The following RYR3 variants were observed in gnomAD, a reference collection of about 807,000 sequenced individuals.
The protein encoded by RYR3 is brain ryanodine receptor-calcium release channel.
In RYR3, 207 loss-of-function variants were observed where a neutral mutation model predicts 584.3. The observed-to-expected ratio is 0.35, with a 90% CI of 0.32 to 0.40. RYR3 has a LOEUF of 0.40. RYR3 is among the 10% of genes least tolerant of loss of function. The probability of loss-of-function intolerance (pLI) is 1.00; values close to 1 mark genes in which losing one functional copy is unlikely to be tolerated. For missense variants in RYR3, 5,616 were observed against 6,089.2 expected (o/e 0.92, Z 2.59); for synonymous variants, 2,416 against 2,248.5 (o/e 1.07, Z -2.11).
intron 3 of RYR3, among the ~76,000 whole-genome samples, chr15:33,514,612 CTT>C (rs199716620): frequency 4.2e-4 from 60 of 144,484 alleles, no homozygotes; most frequent in African/African-American, 1.2e-3. Flanking sequence ...GAATGCATTA[CTT>C]TTTTTTTTTT....
At chr15:33,830,899 A>G in intron 85 of RYR3, 64 bp from the exon 86 acceptor site, 1 of 1,563,028 alleles carries the variant, frequency 6.4e-7, no homozygotes, top group Non-Finnish European at 8.7e-7. Flanking sequence ...CCCTTCCCAA[A>G]CACCGAGTTT....
At chr15:33,627,664 G>A (rs1298883079) in intron 20 of RYR3, among the ~76,000 whole-genome samples, 1 of 152,228 alleles carries the variant, frequency 6.6e-6, no homozygotes, top group Non-Finnish European at 1.5e-5. Flanking sequence ...CTGTGTATGT[G>A]GTTAATACAT....
At chr15:33,425,879 T>C (rs1286610939) in intron 1 of RYR3, among the ~76,000 whole-genome samples, 1 of 152,100 alleles carries the variant, frequency 6.6e-6, no homozygotes, top group Non-Finnish European at 1.5e-5. Context: ...CCTGACCTCG[T>C]GATCCGCCCG....
Position 33,826,668 on chromosome 15 carries a change from C to T in RYR3, c.11165-4C>T, listed in dbSNP as rs1226349486. ...AATGCTCATCAACGTTCTGTGTTTT[C>T]AAGGTGAAAAAGTACTCCAGAATGA... On this transcript the variant is annotated splice_region_variant and splice_polypyrimidine_tract_variant and intron_variant, in intron 83 of 103. Coordinates refer to ENST00000634891, the MANE Select transcript of RYR3 (RefSeq NM_001036.6). 1 of 1,613,022 alleles carries T rather than the reference C, an allele frequency of 6.2e-7. No individual in the cohort carries two copies.
chr15:33,705,578 C>A (rs1200987661), intron 42 of RYR3, among the ~76,000 whole-genome samples: 1 of 152,198 alleles, frequency 6.6e-6, no homozygotes, highest in Non-Finnish European at 1.5e-5. Context: ...AGGCTTTTTG[C>A]CTGAAAGCTG....
chr15:33,414,731 A>C (rs761773046), intron 1 of RYR3, among the ~76,000 whole-genome samples: 4 of 152,054 alleles, frequency 2.6e-5, no homozygotes, highest in Non-Finnish European at 4.4e-5. Flanking sequence ...CAGCCTCCCA[A>C]GTAGCTGGGA....
rs765138555 is a variant in RYR3, at chr15:33,662,643, T to A, written c.5113T>A (p.Cys1705Ser). 6.2e-7 allele frequency: 1 copy of A among 1,614,010 alleles called. No individual in the cohort carries two copies. Among genetic ancestry groups the A allele is most frequent in the South Asian group, 1.1e-5 (1 of 91,074 alleles). Reference sequence around the variant, plus strand: ...GAGTATGCTGACAGAGGCAGTGCAGTGCAGCGGGGCCCACATCCGAGACCC... The same window carrying A: ...GAGTATGCTGACAGAGGCAGTGCAGAGCAGCGGGGCCCACATCCGAGACCC... ...ALSMLTEAVQ[C>S]SGAHIRDPVG... The change falls in exon 35 of 104, where the codon TGC becomes AGC. Residue 1705 changes from cysteine (C) to serine (S), a missense_variant. Physicochemically the swap from Cys to Ser is moderately radical, Grantham distance 112. Transcript: ENST00000634891.
chr15:33,437,238 G>A (rs769676380), intron 1 of RYR3, among the ~76,000 whole-genome samples: 2 of 152,166 alleles, frequency 1.3e-5, no homozygotes, highest in Non-Finnish European at 2.9e-5. Flanking sequence ...TAAGTGGTCT[G>A]TGGTCTGGAG....
intron 1 of RYR3, among the ~76,000 whole-genome samples, chr15:33,383,967 G>A (rs2041389113): frequency 6.6e-6 from 1 of 152,180 alleles, no homozygotes; most frequent in South Asian, 2.1e-4. Context: ...GTAGCAACAT[G>A]GGTGCAGATG....
intron 16 of RYR3, among the ~76,000 whole-genome samples, chr15:33,591,268 C>T (rs2059116688): frequency 6.6e-6 from 1 of 152,216 alleles, no homozygotes; most frequent in South Asian, 2.1e-4. Context: ...GAATTGGTCT[C>T]CTCTCTTATG....
intron 3 of RYR3, among the ~76,000 whole-genome samples, chr15:33,516,019 C>T (rs2053486098): frequency 6.6e-6 from 1 of 152,160 alleles, no homozygotes; most frequent in African/African-American, 2.4e-5. Flanking sequence ...CTTTTTCCCA[C>T]ATGGTACGCC....
intron 76 of RYR3, 37 bp from the exon 77 acceptor site, chr15:33,819,719 T>A (rs903414716): frequency 4.6e-5 from 56 of 1,209,330 alleles, no homozygotes; most frequent in Non-Finnish European, 5.6e-5. Flanking sequence ...AATAAATAAA[T>A]AAAAAGCCTG....
chr15:33,636,845 T>C (rs2061526876), intron 27 of RYR3, among the ~76,000 whole-genome samples: 1 of 152,154 alleles, frequency 6.6e-6, no homozygotes, highest in South Asian at 2.1e-4. Context: ...TTTCCCAGTA[T>C]TACAAAGAAA....
chr15:33,601,565 C>A lies in RYR3; in HGVS notation c.1922+13C>A. 1 of 1,613,568 alleles carries A rather than the reference C, an allele frequency of 6.2e-7. No homozygotes were observed. Among genetic ancestry groups the A allele is most frequent in the Non-Finnish European group, 8.5e-7 (1 of 1,179,630 alleles). ...ACGATGTAACCAGGTAAGGCCACCA[C>A]CACCATTCCAAATGCCAAGCATAGT... On this transcript the variant is annotated intron_variant, in intron 17 of 103. Transcript: ENST00000634891.
chr15:33,484,755 G>A (rs1340098345), intron 2 of RYR3, among the ~76,000 whole-genome samples: 1 of 152,164 alleles, frequency 6.6e-6, no homozygotes. Flanking sequence ...TATATTGGAG[G>A]AGGGATAAAG....
At chr15:33,556,815 C>G (rs2057096636) in intron 10 of RYR3, among the ~76,000 whole-genome samples, 1 of 152,256 alleles carries the variant, frequency 6.6e-6, no homozygotes, top group South Asian at 2.1e-4. Context: ...GGTAGAAATT[C>G]TTGTATAAAA....
intron 1 of RYR3, among the ~76,000 whole-genome samples, chr15:33,364,175 A>T (rs990358400): frequency 6.6e-6 from 1 of 152,146 alleles, no homozygotes; most frequent in Non-Finnish European, 1.5e-5. Flanking sequence ...AATTTACTTC[A>T]CCTGTTTATT....
At chr15:33,565,328 C>T (rs1335521466) in intron 11 of RYR3, among the ~76,000 whole-genome samples, 1 of 152,182 alleles carries the variant, frequency 6.6e-6, no homozygotes, top group Non-Finnish European at 1.5e-5. Flanking sequence ...CAGATGTTCT[C>T]ACAAAGTAAT....
Position 33,769,181 on chromosome 15 carries a change from GCCCAGTTTTT to G in RYR3, c.8816+14_8816+23del, listed in dbSNP as rs2073366664. 1 of 1,607,996 alleles carries G rather than the reference GCCCAGTTTTT, an allele frequency of 6.2e-7. No homozygotes were observed. The highest frequency in any genetic ancestry group is 8.5e-7 in the Non-Finnish European group (1 of 1,174,798). On this transcript the variant is annotated intron_variant, in intron 62 of 103. Transcript: ENST00000634891. ...CAGACACTTGACACAAGGTAAGTCT[GCCCAGTTTTT>G]CCCAATAGTTTCTCATGACTTCCTC...
Sources: gnomAD v4.1 joint callset for allele counts (sites outside exome capture counted in the v4.1 genomes callset) on GRCh38, gnomAD v4.1.1 for gene constraint, MANE v1.5 for transcripts, NCBI Gene and HGNC (gene_info 2026-07-23, HGNC 2026-07-21) for gene names.